The following NR6A1 variants were observed in gnomAD, a reference collection of about 807,000 sequenced individuals.
NR6A1 encodes retinoic acid receptor-related testis-associated receptor.
Under a neutral mutation model 59.1 loss-of-function variants are expected in NR6A1, and 7 were observed. That is an observed-to-expected ratio of 0.12 (90% CI 0.07 to 0.22). NR6A1 has a LOEUF of 0.22. Among genes scored for constraint, NR6A1 ranks in the 10% least tolerant of loss-of-function variants. The probability of loss-of-function intolerance (pLI) is 1.00; values close to 1 mark genes in which losing one functional copy is unlikely to be tolerated. For missense variants in NR6A1, 468 were observed against 611.6 expected, an observed-to-expected ratio of 0.77 and a Z score of 2.48; for synonymous variants, 243 against 236.1, an observed-to-expected ratio of 1.03 and a Z score of -0.27.
intron 2 of NR6A1, chr9:124,698,415 G>C (rs1281557742): frequency 6.6e-6 from 1 of 152,124 alleles, no homozygotes; most frequent in Non-Finnish European, 1.5e-5. Flanking sequence ...ACAGCTGCAG[G>C]GATAGTAGAA....
At chr9:124,758,827 G>A (rs985062578) in intron 1 of NR6A1, among the ~76,000 whole-genome samples, 1 of 152,180 alleles carries the variant, frequency 6.6e-6, no homozygotes, top group African/African-American at 2.4e-5. Flanking sequence ...GAGAATGTGG[G>A]CAGTCAGTAC....
intron 2 of NR6A1, among the ~76,000 whole-genome samples, chr9:124,608,237 A>C (rs1242179382): frequency 6.6e-6 from 1 of 152,152 alleles, no homozygotes; most frequent in African/African-American, 2.4e-5. Flanking sequence ...GCATGTATCA[A>C]CCCATCACCC....
rs538804880 is a variant in NR6A1, at chr9:124,770,951, G to A, written c.100+69C>T. 175 of 897,526 alleles carry A rather than the reference G, an allele frequency of 1.9e-4. 1 individual carries two copies. The African/African-American group carries it at 2.4e-3, about 12-fold the overall frequency. The allele number at this position is 897,526 out of a possible 1,614,324, so 55.6% of individuals were successfully genotyped here. On this transcript the variant is annotated intron_variant, in intron 1 of 9. Transcript: ENST00000487099. ...CAGGGCGAGGGTCGGCAGAGAGGAG[G>A]GGGATCCCTGGCGGAGGCTCAGGAA...
At chr9:124,619,059 C>T (rs35386677) in intron 2 of NR6A1, among the ~76,000 whole-genome samples, 1 of 152,178 alleles carries the variant, frequency 6.6e-6, no homozygotes, top group Non-Finnish European at 1.5e-5. Flanking sequence ...AGGATATTCA[C>T]TGCAGCCCTA....
chr9:124,541,624 G>A (rs1048714418), intron 4 of NR6A1, among the ~76,000 whole-genome samples: 1 of 152,192 alleles, frequency 6.6e-6, no homozygotes, highest in Non-Finnish European at 1.5e-5. Context: ...CAGCATGGAG[G>A]TTCCTCTAAA....
intron 2 of NR6A1, among the ~76,000 whole-genome samples, chr9:124,650,448 C>T (rs1033075969): frequency 8.6e-5 from 13 of 151,970 alleles, no homozygotes; most frequent in Admixed American, 6.5e-4. Flanking sequence ...GGTAGAGGGA[C>T]AGTGGGGGAT....
In NR6A1 at chr9:124,599,011, G is replaced by T. The variant is rs1033615145; in HGVS notation, c.143-44441C>A. 21 of 741,008 alleles carry T rather than the reference G, an allele frequency of 2.8e-5. No individual in the cohort carries two copies. In the East Asian group the frequency reaches 5.2e-4, roughly 19 times the overall value. The allele number at this position is 741,008 out of a possible 1,614,324, so 45.9% of individuals were successfully genotyped here. On this transcript the variant is annotated intron_variant, in intron 2 of 9. Coordinates refer to ENST00000487099, the MANE Select transcript of NR6A1 (RefSeq NM_033334.4). ...TGTAGTGGTTGGCACAAATCTTCAG[G>T]GTCTTGTCCCTCCTCATGAGGAGGC...
chr9:124,695,017 G>T (rs1838699053), intron 2 of NR6A1, among the ~76,000 whole-genome samples: 1 of 152,210 alleles, frequency 6.6e-6, no homozygotes, highest in Non-Finnish European at 1.5e-5. Context: ...TAGACGAGGT[G>T]ATTTTGGGTC....
chr9:124,679,969 G>C (rs1221755675), intron 2 of NR6A1, among the ~76,000 whole-genome samples: 1 of 151,634 alleles, frequency 6.6e-6, no homozygotes, highest in Admixed American at 6.6e-5. Context: ...GATGCCTATT[G>C]CAACTTCCAA....
At chr9:124,715,166 C>T (rs1337103128) in intron 2 of NR6A1, among the ~76,000 whole-genome samples, 2 of 151,344 alleles carry the variant, frequency 1.3e-5, no homozygotes, top group African/African-American at 4.9e-5. Flanking sequence ...CCACTGCATT[C>T]CAGCCTGGTG....
At chr9:124,680,276 A>G (rs755662755) in intron 2 of NR6A1, among the ~76,000 whole-genome samples, 7 of 152,100 alleles carry the variant, frequency 4.6e-5, no homozygotes, top group Non-Finnish European at 8.8e-5. Context: ...ATAACTGCTC[A>G]TTTTCCCAAA....
chr9:124,552,864 T>C (rs950941729), intron 3 of NR6A1, among the ~76,000 whole-genome samples: 4 of 152,172 alleles, frequency 2.6e-5, no homozygotes, highest in African/African-American at 4.8e-5. Context: ...CCTTTCTTCA[T>C]GATGGGCAAG....
At chr9:124,538,395 G>T in intron 5 of NR6A1, 76 bp from the exon 6 acceptor site, 1 of 1,109,876 alleles carries the variant, frequency 9.0e-7, no homozygotes, top group Non-Finnish European at 1.3e-6. Context: ...GCCAGAAGGT[G>T]ACTTTAGGTA....
chr9:124,690,251 C>G (rs887435678), intron 2 of NR6A1, among the ~76,000 whole-genome samples: 1 of 152,206 alleles, frequency 6.6e-6, no homozygotes, highest in African/African-American at 2.4e-5. Context: ...AAACATGCTA[C>G]TAATCATCCA....
At chr9:124,639,397 A>G (rs2130897645) in intron 2 of NR6A1, among the ~76,000 whole-genome samples, 1 of 152,352 alleles carries the variant, frequency 6.6e-6, no homozygotes, top group African/African-American at 2.4e-5. Context: ...ACTGAAGCCC[A>G]GCAATCCTCT....
chr9:124,667,039 C>CT (rs544057837), intron 2 of NR6A1, among the ~76,000 whole-genome samples: 1,656 of 144,250 alleles, frequency 0.011, 21 homozygotes, highest in African/African-American at 0.031. Context: ...ATCCACCCTA[C>CT]TTTTTTTTTT....
At chr9:124,559,690 T>C (rs1834026012) in intron 2 of NR6A1, among the ~76,000 whole-genome samples, 1 of 152,060 alleles carries the variant, frequency 6.6e-6, no homozygotes, top group Non-Finnish European at 1.5e-5. Flanking sequence ...GGCAGGAGAA[T>C]CACTTGAACC....
intron 2 of NR6A1, chr9:124,599,129 A>G: frequency 1.5e-6 from 1 of 661,040 alleles, no homozygotes; most frequent in South Asian, 1.5e-5. Context: ...GGCAAATCAC[A>G]GTTTCGCCCC....
intron 2 of NR6A1, among the ~76,000 whole-genome samples, chr9:124,581,200 G>A (rs2131459163): frequency 6.6e-6 from 1 of 152,238 alleles, no homozygotes; most frequent in South Asian, 2.1e-4. Flanking sequence ...ATGGGAAGAG[G>A]CAAAGATTTC....
Sources: allele counts gnomAD v4.1 joint callset (sites outside exome capture counted in the v4.1 genomes callset), GRCh38; gene constraint gnomAD v4.1.1; transcripts MANE v1.5; gene names NCBI Gene and HGNC (gene_info 2026-07-23, HGNC 2026-07-21).